The following PRPSAP1 variants were observed in gnomAD, a reference collection of about 807,000 sequenced individuals.
The protein encoded by PRPSAP1 is phosphoribosyl pyrophosphate synthase-associated protein 1.
A neutral mutation model predicts 39.4 loss-of-function variants in PRPSAP1; 31 were observed. That is an observed-to-expected ratio of 0.79 (90% confidence interval 0.59 to 1.06). The LOEUF (loss-of-function observed/expected upper bound fraction) is 1.06. Ranked by LOEUF, PRPSAP1 falls within the 50% of genes least tolerant of loss-of-function variation. The pLI, the probability that PRPSAP1 is intolerant of heterozygous loss-of-function variation, is 0.00. For missense variants in PRPSAP1, 430 were observed against 511.6 expected (o/e 0.84, Z 1.54); for synonymous variants, 212 against 192.6 (o/e 1.10, Z -0.83).
chr17:76,337,808 T>C (rs1404420283), intron 3 of PRPSAP1, among the ~76,000 whole-genome samples: 1 of 152,108 alleles, frequency 6.6e-6, no homozygotes. Context: ...GGTTTCACCA[T>C]GTTGGCTAGT....
intron 2 of PRPSAP1, among the ~76,000 whole-genome samples, chr17:76,348,232 G>A (rs1283504474): frequency 6.6e-6 from 1 of 152,014 alleles, no homozygotes; most frequent in African/African-American, 2.4e-5. Flanking sequence ...TAGCACTTTG[G>A]GAGGCCGAGG....
At chr17:76,352,075 AAAC>A (rs759795786) in intron 1 of PRPSAP1, among the ~76,000 whole-genome samples, 31 of 152,216 alleles carry the variant, frequency 2.0e-4, no homozygotes, top group African/African-American at 6.5e-4. Flanking sequence ...TTAAAAAAAA[AAAC>A]AAGCAGAGCT....
intron 3 of PRPSAP1, among the ~76,000 whole-genome samples, chr17:76,340,626 C>T (rs1407445025): frequency 6.6e-6 from 1 of 151,844 alleles, no homozygotes; most frequent in Non-Finnish European, 1.5e-5. Context: ...CACGGTGGCT[C>T]GCGCCTGTAA....
chr17:76,326,740 C>T (rs384966), intron 7 of PRPSAP1, among the ~76,000 whole-genome samples: 1 of 152,172 alleles, frequency 6.6e-6, no homozygotes, highest in East Asian at 1.9e-4. Flanking sequence ...TTCTTTTGCT[C>T]TAAAGGACAC....
At chr17:76,348,775 T>C (rs2071537699) in intron 1 of PRPSAP1, among the ~76,000 whole-genome samples, 194 bp from the exon 2 acceptor site, 1 of 152,192 alleles carries the variant, frequency 6.6e-6, no homozygotes, top group Non-Finnish European at 1.5e-5. Flanking sequence ...CGTTGTAACA[T>C]ACTGCTTTAC....
At position 76,353,598 on chromosome 17, in the gene PRPSAP1, C is replaced by T. The variant is rs762017642; in HGVS notation, c.106G>A (p.Gly36Ser). The T allele has an allele frequency of 1.9e-6, 3 of 1,559,116 alleles. No homozygotes were observed. The highest frequency in any genetic ancestry group is 1.2e-5 in the South Asian group (1 of 85,284). Residue 36 changes from glycine (G) to serine (S), a missense_variant, in exon 1 of 10, where the codon GGC (glycine) becomes AGC (serine). Coordinates refer to ENST00000446526, the MANE Select transcript of PRPSAP1 (RefSeq NM_002766.3). ...PPPAMNAART[G>S]YRVFSANSTA... ...GAGTTGGCCGAGAAGACTCGGTAGCCGGTGCGAGCGGCGTTCATGGCCGGC... is the reference window on the plus strand; with the variant it reads ...GAGTTGGCCGAGAAGACTCGGTAGCTGGTGCGAGCGGCGTTCATGGCCGGC...
chr17:76,340,791 G>A (rs1367820247), intron 3 of PRPSAP1, among the ~76,000 whole-genome samples: 1 of 151,946 alleles, frequency 6.6e-6, no homozygotes, highest in African/African-American at 2.4e-5. Context: ...TCGGGAGGCT[G>A]AGGCAGGAGA....
intron 7 of PRPSAP1, among the ~76,000 whole-genome samples, chr17:76,324,140 C>CA (rs34741154): frequency 0.34 from 40,236 of 116,808 alleles, 6,689 homozygotes; most frequent in African/African-American, 0.51. Context: ...GAGACTGTCT[C>CA]AAAAAAAAAA....
At chr17:76,326,742 A>G (rs565613257) in intron 7 of PRPSAP1, among the ~76,000 whole-genome samples, 4 of 152,334 alleles carry the variant, frequency 2.6e-5, no homozygotes, top group African/African-American at 9.6e-5. Flanking sequence ...CTTTTGCTCT[A>G]AAGGACACTG....
chr17:76,319,723 G>A (rs1475693673), intron 7 of PRPSAP1, among the ~76,000 whole-genome samples: 1 of 151,648 alleles, frequency 6.6e-6, no homozygotes, highest in East Asian at 2.0e-4. Flanking sequence ...AAAGTGCTGG[G>A]ATTACAGGCG....
chr17:76,353,408 G>A (rs976487687), intron 1 of PRPSAP1, 126 bp downstream of exon 1: 48 of 969,046 alleles, frequency 5.0e-5, no homozygotes, highest in Non-Finnish European at 6.7e-5. Flanking sequence ...TTGTCCGGCT[G>A]GGAAGGCCCG....
intron 3 of PRPSAP1, among the ~76,000 whole-genome samples, chr17:76,336,257 G>T (rs750144522): frequency 6.6e-6 from 1 of 152,124 alleles, no homozygotes; most frequent in Non-Finnish European, 1.5e-5. Flanking sequence ...AACCAACATG[G>T]TGAAAGCCCG....
rs1390397467 is a variant in PRPSAP1 at position 76,332,313 on chromosome 17, T to C, written c.413A>G (p.Lys138Arg). The C allele has an allele frequency of 6.2e-7, 1 of 1,614,048 alleles. No homozygotes were observed. The highest frequency in any genetic ancestry group is 8.5e-7 in the Non-Finnish European group (1 of 1,180,042). ...CAGCTTGCACACAATGGAACCCCTCTTCCTCATCTTGCTCTGCTTGCTGTA... is the reference window on the plus strand; with the variant it reads ...CAGCTTGCACACAATGGAACCCCTCCTCCTCATCTTGCTCTGCTTGCTGTA... Reference protein sequence around the residue: ...FPYSKQSKMRKRGSIVCKLLA... With the variant: ...FPYSKQSKMRRRGSIVCKLLA... Residue 138 changes from lysine to arginine, a missense_variant, in exon 4 of 10, where the codon AAG becomes AGG. Around this residue, in one of 2 missense-constraint regions of PRPSAP1, gnomAD observed 278 missense variants for 376.3 expected, o/e 0.74. Coordinates refer to ENST00000446526, the MANE Select transcript of PRPSAP1 (RefSeq NM_002766.3).
At chr17:76,320,591 ATTTTTTTTTT>A (rs34656314) in intron 7 of PRPSAP1, among the ~76,000 whole-genome samples, 1 of 139,164 alleles carries the variant, frequency 7.2e-6, no homozygotes, top group African/African-American at 2.7e-5. Context: ...CGTCCAGCTA[ATTTTTTTTTT>A]TTTTTGTATT....
At chr17:76,345,530 C>G (rs1029658294) in intron 2 of PRPSAP1, among the ~76,000 whole-genome samples, 1 of 151,070 alleles carries the variant, frequency 6.6e-6, no homozygotes, top group Non-Finnish European at 1.5e-5. Flanking sequence ...ATCACCTGAG[C>G]CAGGGAAGGT....
At chr17:76,320,136 G>A (rs2071173627) in intron 7 of PRPSAP1, among the ~76,000 whole-genome samples, 1 of 151,952 alleles carries the variant, frequency 6.6e-6, no homozygotes. Context: ...CGGGTGTGGT[G>A]GTGCATGCCT....
At chr17:76,348,004 G>A (rs1033489376) in intron 2 of PRPSAP1, among the ~76,000 whole-genome samples, 9 of 152,092 alleles carry the variant, frequency 5.9e-5, no homozygotes, top group Admixed American at 1.3e-4. Flanking sequence ...GCAGTAGTAA[G>A]AAAAAATATT....
At chr17:76,342,185 A>G (rs2071447172) in intron 3 of PRPSAP1, among the ~76,000 whole-genome samples, 1 of 152,148 alleles carries the variant, frequency 6.6e-6, no homozygotes, top group Non-Finnish European at 1.5e-5. Flanking sequence ...GGCTCACAGC[A>G]GCCTCTATTG....
chr17:76,343,576 T>C (rs924694448), intron 3 of PRPSAP1, among the ~76,000 whole-genome samples: 3 of 152,174 alleles, frequency 2.0e-5, no homozygotes, highest in African/African-American at 4.8e-5. Context: ...GGCTCACGCC[T>C]GAAATCCCAA....
Sources: allele counts gnomAD v4.1 joint callset (sites outside exome capture counted in the v4.1 genomes callset), GRCh38; gene constraint gnomAD v4.1.1; regional missense constraint gnomAD v4.1.1; transcripts MANE v1.5; gene names NCBI Gene and HGNC (gene_info 2026-07-23, HGNC 2026-07-21).